GPBP1: variants seen among roughly 807,000 people sequenced by gnomAD.
The protein encoded by GPBP1 is GC-rich promoter binding protein 1, also known as vasculin.
A neutral mutation model predicts 56.5 loss-of-function variants in GPBP1; 13 were observed. That is an observed-to-expected ratio of 0.23 (90% CI 0.15 to 0.37). The LOEUF is 0.37. Ranked by LOEUF, GPBP1 falls within the 10% of genes least tolerant of loss-of-function variation. GPBP1 has a pLI of 1.00. For missense variants in GPBP1, 477 were observed against 572.3 expected, an observed-to-expected ratio of 0.83 and a Z score of 1.70; for synonymous variants, 204 against 188.9, an observed-to-expected ratio of 1.08 and a Z score of -0.66.
At chr5:57,220,556 T>G (rs1379720257) in intron 3 of GPBP1, among the ~76,000 whole-genome samples, 1 of 151,366 alleles carries the variant, frequency 6.6e-6, no homozygotes, top group Non-Finnish European at 1.5e-5. Context: ...GCCCCCCAGG[T>G]TCAAACGATT....
chr5:57,178,715 C>A (rs972021273), intron 2 of GPBP1, among the ~76,000 whole-genome samples: 1 of 152,158 alleles, frequency 6.6e-6, no homozygotes, highest in African/African-American at 2.4e-5. Flanking sequence ...TTTACTTGAA[C>A]GTTTTGACAG....
intron 2 of GPBP1, among the ~76,000 whole-genome samples, chr5:57,188,338 T>A (rs1362502339): frequency 6.6e-6 from 1 of 152,192 alleles, no homozygotes; most frequent in African/African-American, 2.4e-5. Context: ...AAGGTATATT[T>A]ATGCAAATGA....
chr5:57,232,233 C>T (rs986047615), intron 5 of GPBP1, among the ~76,000 whole-genome samples: 23 of 152,110 alleles, frequency 1.5e-4, no homozygotes, highest in African/African-American at 7.2e-5. Context: ...AGCAATCCTC[C>T]GACCTCGGCC....
At chr5:57,250,568 A>C (rs1158078489) in intron 9 of GPBP1, among the ~76,000 whole-genome samples, 1 of 134,432 alleles carries the variant, frequency 7.4e-6, no homozygotes, top group Non-Finnish European at 1.6e-5. Flanking sequence ...TTTTTTTTAG[A>C]GTTTTGCTCT....
chr5:57,251,251 A>G, intron 10 of GPBP1, 110 bp downstream of exon 10: 1 of 901,272 alleles, frequency 1.1e-6, no homozygotes, highest in Non-Finnish European at 1.7e-6. Flanking sequence ...TTACGCCATA[A>G]ATTTCACCCA....
intron 2 of GPBP1, among the ~76,000 whole-genome samples, chr5:57,210,328 G>GA (rs1475560204): frequency 6.6e-6 from 1 of 151,992 alleles, no homozygotes; most frequent in Non-Finnish European, 1.5e-5. Context: ...GGGTGACAGA[G>GA]AAAAAAATTA....
At position 57,264,225 on chromosome 5, in the gene GPBP1, A is replaced by G. The variant is rs1212973416; in HGVS notation, c.*1473A>G. On this transcript the variant is annotated 3_prime_UTR_variant, in exon 12 of 12. Coordinates refer to ENST00000506184, the MANE Select transcript of GPBP1 (RefSeq NM_022913.4). Reference sequence around the variant, plus strand: ...AGTTAGAATGGTAATAAAATATTAAATAGACCTTATACTTAAAATAAGGTT... The same window carrying G: ...AGTTAGAATGGTAATAAAATATTAAGTAGACCTTATACTTAAAATAAGGTT... The G allele has an allele frequency of 6.6e-6, 1 of 152,188 alleles. No individual in the cohort carries two copies. The highest frequency in any genetic ancestry group is 1.9e-4 in the East Asian group (1 of 5,204). 9.4% of individuals were successfully genotyped at this position (152,188 alleles called of 1,614,324 possible). A position where few individuals can be genotyped will look rare whatever the true frequency, so the allele number is the denominator to read the frequency against.
chr5:57,224,246 CTTT>C (rs1234096946), intron 3 of GPBP1, among the ~76,000 whole-genome samples: 10 of 139,532 alleles, frequency 7.2e-5, no homozygotes, highest in Admixed American at 2.9e-4. Flanking sequence ...TCCTGATCCT[CTTT>C]TTTTTTTTTT....
intron 2 of GPBP1, among the ~76,000 whole-genome samples, chr5:57,177,758 C>T (rs1029133582): frequency 4.1e-5 from 6 of 147,330 alleles, no homozygotes; most frequent in Non-Finnish European, 7.4e-5. Context: ...GCCTTGGCTT[C>T]CCAAAGTGCT....
intron 2 of GPBP1, among the ~76,000 whole-genome samples, chr5:57,204,702 C>T (rs1486937975): frequency 6.6e-6 from 1 of 152,056 alleles, no homozygotes; most frequent in African/African-American, 2.4e-5. Flanking sequence ...AGAAGTGGTG[C>T]TTGTTTTGTT....
chr5:57,225,425 C>T (rs62355732), intron 3 of GPBP1, among the ~76,000 whole-genome samples: 31,285 of 142,638 alleles, frequency 0.22, 3,965 homozygotes, highest in Middle Eastern at 0.33. Context: ...ACCCGGGAGG[C>T]GGAGCTTGCA....
intron 10 of GPBP1, among the ~76,000 whole-genome samples, chr5:57,254,605 G>A (rs1741557340): frequency 6.6e-6 from 1 of 150,778 alleles, no homozygotes; most frequent in African/African-American, 2.4e-5. Context: ...TGAGGCATGA[G>A]AATCACTTGA....
chr5:57,246,260 G>C (rs1741085325), intron 6 of GPBP1, 40 bp from the exon 7 acceptor site: 1 of 1,518,814 alleles, frequency 6.6e-7, no homozygotes, highest in South Asian at 1.2e-5. Context: ...ACTAAAACTT[G>C]AAATTGTGAG....
chr5:57,215,972 C>T (rs1356026176), intron 3 of GPBP1, among the ~76,000 whole-genome samples: 1 of 152,078 alleles, frequency 6.6e-6, no homozygotes, highest in African/African-American at 2.4e-5. Context: ...CTGCTTCTTA[C>T]CCTTGGCAAA....
intron 10 of GPBP1, among the ~76,000 whole-genome samples, chr5:57,259,253 C>T (rs895798746): frequency 3.9e-5 from 6 of 152,134 alleles, no homozygotes; most frequent in Non-Finnish European, 7.4e-5. Context: ...AGTTATTTTA[C>T]TTATATGATC....
chr5:57,199,996 C>T (rs1754928463), intron 2 of GPBP1, among the ~76,000 whole-genome samples: 1 of 147,318 alleles, frequency 6.8e-6, no homozygotes, highest in Non-Finnish European at 1.5e-5. Flanking sequence ...GCGTGAGCCA[C>T]TGCGCCTGGC....
At chr5:57,211,362 A>G (rs888140895) in intron 2 of GPBP1, among the ~76,000 whole-genome samples, 13 of 151,486 alleles carry the variant, frequency 8.6e-5, no homozygotes, top group African/African-American at 3.2e-4. Flanking sequence ...GGTTTTTAAA[A>G]TTTTTTGTAG....
Position 57,262,683 on chromosome 5 carries a change from C to A in GPBP1, c.1353C>A (p.Phe451Leu), listed in dbSNP as rs758128011. ...FKFGPWKNST[F>L]KPTTENDDTE... ...TTGGACCGTGGAAGAACAGCACTTT[C>A]AAACCCACAACTGAGAATGATGACA... Residue 451 changes from phenylalanine to leucine, a missense_variant, in exon 12 of 12, where the codon TTC becomes TTA. Around this residue, in one of 2 missense-constraint regions of GPBP1, gnomAD observed 63 missense variants for 114.0 expected, o/e 0.55. Transcript: ENST00000506184. The A allele has an allele frequency of 4.3e-6, 7 of 1,613,648 alleles. No homozygotes were observed. The highest frequency in any genetic ancestry group is 5.9e-6 in the Non-Finnish European group (7 of 1,179,772).
intron 2 of GPBP1, among the ~76,000 whole-genome samples, chr5:57,193,592 C>G (rs1291535505): frequency 1.1e-5 from 1 of 88,578 alleles, no homozygotes; most frequent in African/African-American, 4.8e-5. Flanking sequence ...CAAGCTTGGG[C>G]AATAGAATGA....
Sources: allele counts gnomAD v4.1 joint callset (sites outside exome capture counted in the v4.1 genomes callset), GRCh38; gene constraint gnomAD v4.1.1; regional missense constraint gnomAD v4.1.1; transcripts MANE v1.5; gene names NCBI Gene and HGNC (gene_info 2026-07-23, HGNC 2026-07-21).